Variants in HDAC4 observed in about 807,000 individuals in gnomAD.
HDAC4 encodes histone deacetylase A.
Under a neutral mutation model 135.1 loss-of-function variants are expected in HDAC4, and 16 were observed. The observed-to-expected ratio is 0.12, with a 90% CI of 0.08 to 0.18. HDAC4 has a LOEUF of 0.18. Among genes scored for constraint, HDAC4 ranks in the 10% least tolerant of loss-of-function variants. The pLI, the probability that HDAC4 is intolerant of heterozygous loss-of-function variation, is 1.00. For missense variants in HDAC4, 1,143 were observed against 1,511.8 expected, an observed-to-expected ratio of 0.76 and a Z score of 4.05; for synonymous variants, 685 against 653.4, an observed-to-expected ratio of 1.05 and a Z score of -0.74.
intron 1 of HDAC4, among the ~76,000 whole-genome samples, chr2:239,391,097 T>C (rs867261114): frequency 1.3e-5 from 2 of 152,180 alleles, no homozygotes; most frequent in African/African-American, 2.4e-5. Flanking sequence ...CGAATCACAC[T>C]GTGGCCAAGG....
intron 17 of HDAC4, 38 bp downstream of exon 17, chr2:239,094,972 G>T (rs1389652973): frequency 6.2e-7 from 1 of 1,613,476 alleles, no homozygotes; most frequent in Non-Finnish European, 8.5e-7. Flanking sequence ...GACTCGAGAA[G>T]AAACAGGACA....
At chr2:239,103,719 G>T (rs1253955805) in intron 15 of HDAC4, among the ~76,000 whole-genome samples, 2 of 152,224 alleles carry the variant, frequency 1.3e-5, no homozygotes, top group Non-Finnish European at 2.9e-5. Flanking sequence ...GCTCCTGCAG[G>T]CCTCGGTGTC....
At chr2:239,057,876 G>A (rs1200325712) in intron 24 of HDAC4, among the ~76,000 whole-genome samples, 1 of 152,192 alleles carries the variant, frequency 6.6e-6, no homozygotes, top group Non-Finnish European at 1.5e-5. Context: ...TGGATGAACA[G>A]GGATGACATA....
chr2:239,107,912 T>G lies in HDAC4; in HGVS notation c.2112+138A>C, dbSNP rs2038302062. Reference sequence around the variant, plus strand: ...CCCGCCCAAATGCAGACAGTGAAGATGCTTGTGGCCCTTCCCCCGGGGCTG... The same window carrying G: ...CCCGCCCAAATGCAGACAGTGAAGAGGCTTGTGGCCCTTCCCCCGGGGCTG... On this transcript the variant is annotated intron_variant, in intron 15 of 26. Transcript: ENST00000543185. 4.7e-6 allele frequency: 5 copies of G among 1,068,044 alleles called. No homozygotes were observed. The East Asian group carries it at 1.3e-4, about 27-fold the overall frequency. 66.2% of individuals were successfully genotyped at this position (1,068,044 alleles called of 1,614,324 possible).
At chr2:239,367,904 GGAGGCGGAGGTGGCAGT>G in intron 1 of HDAC4, among the ~76,000 whole-genome samples, 1 of 151,860 alleles carries the variant, frequency 6.6e-6, no homozygotes. Flanking sequence ...CTTAAACCTG[GGAGGCGGAGGTGGCAGT>G]GAGCCGAGAC....
At position 239,215,382 on chromosome 2, in the gene HDAC4, G is replaced by A. The variant is rs73098734; in HGVS notation, c.94+21211C>T. Among the ~76,000 whole-genome samples, 748 of 152,268 alleles carry A rather than the reference G, an allele frequency of 4.9e-3. 3 individuals carry two copies. The highest frequency in any genetic ancestry group is 0.014 in the Middle Eastern group (4 of 294). On this transcript the variant is annotated intron_variant, in intron 3 of 26. Transcript: ENST00000543185. ...GGTGACACGAAACCAGGGGCTGGCT[G>A]CTGGGAGCCCAGAGAAGCAGGGTCG...
At chr2:239,215,780 T>A (rs1458324229) in intron 3 of HDAC4, among the ~76,000 whole-genome samples, 1 of 152,174 alleles carries the variant, frequency 6.6e-6, no homozygotes, top group Non-Finnish European at 1.5e-5. Context: ...TGCACCGGGC[T>A]CCCTGGAGGA....
rs778708820 is a variant in HDAC4, at chr2:239,134,451, G to A, written c.1096-8C>T. 6.2e-7 allele frequency: 1 copy of A among 1,613,628 alleles called. No individual in the cohort carries two copies. Among genetic ancestry groups the A allele is most frequent in the East Asian group, 2.2e-5 (1 of 44,876 alleles). ...CTGCTGGCCCGCCGTGCCCTGGAAA[G>A]CACAGCCAGGATGCTCGGGTGGAAG... On this transcript the variant is annotated splice_polypyrimidine_tract_variant and splice_region_variant and intron_variant, in intron 10 of 26. Transcript: ENST00000543185.
In HDAC4 at chr2:239,060,644, C is replaced by T. The variant is rs950484874; in HGVS notation, c.3004-5811G>A. On this transcript the variant is annotated intron_variant, in intron 24 of 26. Transcript: ENST00000543185. ...CGCCACTGCTGAAGACAGTTTTAAC[C>T]CTTAAAAAGCCGCTTGATGTTATCT... is the stretch of plus-strand genomic sequence containing the variant. Among the ~76,000 whole-genome samples, 3 of 152,348 alleles carry T rather than the reference C, an allele frequency of 2.0e-5. No individual in the cohort carries two copies. In the East Asian group the frequency reaches 5.8e-4, roughly 29 times the overall value.
chr2:239,203,608 G>A (rs1434532477), intron 3 of HDAC4, among the ~76,000 whole-genome samples: 2 of 152,184 alleles, frequency 1.3e-5, no homozygotes, highest in Admixed American at 6.5e-5. Context: ...CGGTCTGACT[G>A]TCTTCTGTAA....
chr2:239,180,708 T>A (rs1229402294), intron 4 of HDAC4, among the ~76,000 whole-genome samples: 1 of 152,160 alleles, frequency 6.6e-6, no homozygotes, highest in Non-Finnish European at 1.5e-5. Context: ...AAAATGAACA[T>A]GATTGCCCCT....
chr2:239,144,853 A>G (rs1424437338), intron 7 of HDAC4, 139 bp from the exon 8 acceptor site: 11 of 838,152 alleles, frequency 1.3e-5, no homozygotes, highest in East Asian at 2.6e-5. Context: ...GGGAGAGCGC[A>G]GGGAGCTCAC....
At chr2:239,263,652 G>A (rs1489829358) in intron 2 of HDAC4, among the ~76,000 whole-genome samples, 1 of 152,234 alleles carries the variant, frequency 6.6e-6, no homozygotes, top group East Asian at 1.9e-4. Context: ...AAGGACACGG[G>A]AGAGAAGAAT....
chr2:239,141,706 T>C lies in HDAC4; in HGVS notation c.866-1910A>G, dbSNP rs2041388556. Among the ~76,000 whole-genome samples the C allele has an allele frequency of 6.6e-6, 1 of 152,198 alleles. No individual in the cohort carries two copies. The highest frequency in any genetic ancestry group is 1.5e-5 in the Non-Finnish European group (1 of 68,036). ...GCTACACACCAAGATCCAGCAGATC[T>C]TCCCTGTAATGGGTGCCTCCCAGCT... On this transcript the variant is annotated intron_variant, in intron 8 of 26. Coordinates refer to ENST00000543185, the MANE Select transcript of HDAC4 (RefSeq NM_001378414.1). The surrounding 1 kb of genome is among the most constrained non-coding windows in gnomAD (Gnocchi z 4.9).
At chr2:239,277,305 GCCTTTC>G (rs937629489) in intron 2 of HDAC4, among the ~76,000 whole-genome samples, 20 of 152,202 alleles carry the variant, frequency 1.3e-4, no homozygotes, top group African/African-American at 4.6e-4. Context: ...GTCCAGTAAG[GCCTTTC>G]CAAAGGCACA....
rs2030876178 is a variant in HDAC4 at position 239,051,687 on chromosome 2, G to A, written c.*1410C>T. On this transcript the variant is annotated 3_prime_UTR_variant, in exon 27 of 27. Coordinates refer to ENST00000543185, the MANE Select transcript of HDAC4 (RefSeq NM_001378414.1). ...TAAAATGAAAGTACAAACTTGTAGG[G>A]TAGTTGCCCAGTGGCGAATGTGTTG... 6.6e-6 allele frequency: 1 copy of A among 152,590 alleles called. No homozygotes were observed. The highest frequency in any genetic ancestry group is 2.1e-4 in the South Asian group (1 of 4,832). The allele number at this position is 152,590 out of a possible 1,614,324, so 9.5% of individuals were successfully genotyped here.
At chr2:239,345,455 C>T (rs895842346) in intron 2 of HDAC4, among the ~76,000 whole-genome samples, 1 of 151,882 alleles carries the variant, frequency 6.6e-6, no homozygotes, top group African/African-American at 2.4e-5. Flanking sequence ...CCCAGCTACT[C>T]GGGAGCCTGA....
At chr2:239,189,483 C>A (rs569576121) in intron 4 of HDAC4, among the ~76,000 whole-genome samples, 59 of 152,244 alleles carry the variant, frequency 3.9e-4, no homozygotes, top group African/African-American at 1.3e-3. Flanking sequence ...TGTCAATACA[C>A]CTCCCAGCAA....
intron 16 of HDAC4, among the ~76,000 whole-genome samples, chr2:239,096,756 C>G (rs1208978974): frequency 1.3e-5 from 2 of 148,528 alleles, no homozygotes; most frequent in African/African-American, 5.0e-5. Flanking sequence ...ACACCAGCAC[C>G]CCCCACAGAC....
Sources: allele counts gnomAD v4.1 joint callset (sites outside exome capture counted in the v4.1 genomes callset), GRCh38; gene constraint gnomAD v4.1.1; non-coding constraint Gnocchi (gnomAD v3.1); transcripts MANE v1.5; gene names NCBI Gene and HGNC (gene_info 2026-07-23, HGNC 2026-07-21).